TMEM132D: variants seen among roughly 807,000 people sequenced by gnomAD.
TMEM132D encodes the protein mature OL transmembrane protein.
Under a neutral mutation model 62.3 loss-of-function variants are expected in TMEM132D, and 21 were observed. The observed-to-expected ratio is 0.34, with a 90% CI of 0.24 to 0.49. The LOEUF (loss-of-function observed/expected upper bound fraction) is 0.49, where lower values mean the gene tolerates loss of function less well. Ranked by LOEUF, TMEM132D falls within the 20% of genes least tolerant of loss-of-function variation. TMEM132D has a pLI of 0.99. For missense variants in TMEM132D, 1,346 were observed against 1,402.8 expected, an observed-to-expected ratio of 0.96 and a Z score of 0.65; for synonymous variants, 621 against 575.6, an observed-to-expected ratio of 1.08 and a Z score of -1.13.
intron 1 of TMEM132D, among the ~76,000 whole-genome samples, chr12:129,763,831 GAA>G (rs759670668): frequency 1.3e-5 from 2 of 152,130 alleles, no homozygotes; most frequent in African/African-American, 4.8e-5. Flanking sequence ...TGGCATGAAT[GAA>G]AAAGTCAGCC....
intron 3 of TMEM132D, among the ~76,000 whole-genome samples, chr12:129,502,342 C>G (rs2137068217): frequency 6.6e-6 from 1 of 152,282 alleles, no homozygotes; most frequent in East Asian, 1.9e-4. Flanking sequence ...TTGCTACCAT[C>G]AAGGTTGAAT....
At chr12:129,548,734 C>T (rs1194081560) in intron 2 of TMEM132D, among the ~76,000 whole-genome samples, 2 of 152,208 alleles carry the variant, frequency 1.3e-5, no homozygotes, top group African/African-American at 4.8e-5. Context: ...GGAAGTCAAT[C>T]CTACCACCCC....
At chr12:129,551,528 TA>T (rs1290824471) in intron 2 of TMEM132D, among the ~76,000 whole-genome samples, 2 of 152,214 alleles carry the variant, frequency 1.3e-5, no homozygotes, top group Admixed American at 6.5e-5. Flanking sequence ...ACATTTGCTT[TA>T]AAAAAATCCA....
At chr12:129,144,215 A>G (rs36074422) in intron 5 of TMEM132D, among the ~76,000 whole-genome samples, 53,229 of 151,870 alleles carry the variant, frequency 0.35, 10,702 homozygotes, top group Non-Finnish European at 0.45. Context: ...CAAGCAGAAC[A>G]TGGAAAATAT....
chr12:129,287,327 T>C (rs1322569579), intron 4 of TMEM132D, among the ~76,000 whole-genome samples: 1 of 152,048 alleles, frequency 6.6e-6, no homozygotes, highest in Non-Finnish European at 1.5e-5. Context: ...GAATTGAAAA[T>C]GTAAATTAAT....
At chr12:129,784,657 CT>C (rs1306950471) in intron 1 of TMEM132D, among the ~76,000 whole-genome samples, 1 of 152,288 alleles carries the variant, frequency 6.6e-6, no homozygotes, top group Admixed American at 6.5e-5. Flanking sequence ...TATTTGAAGT[CT>C]GTTCGGTTGA....
At chr12:129,104,985 C>T (rs112319565) in intron 5 of TMEM132D, among the ~76,000 whole-genome samples, 25,774 of 145,316 alleles carry the variant, frequency 0.18, 2,653 homozygotes, top group Non-Finnish European at 0.21. Flanking sequence ...GTCAGTGTGG[C>T]GATTCCTCAG....
intron 2 of TMEM132D, among the ~76,000 whole-genome samples, chr12:129,566,555 A>G (rs1183504563): frequency 6.6e-6 from 1 of 152,218 alleles, no homozygotes; most frequent in Non-Finnish European, 1.5e-5. Context: ...TTGTAGCAAT[A>G]AGATATCAAT....
intron 3 of TMEM132D, among the ~76,000 whole-genome samples, chr12:129,455,636 C>G (rs1873440633): frequency 1.3e-5 from 2 of 152,056 alleles, no homozygotes. Context: ...TCTCCAAGGA[C>G]AGAAAGGGAA....
At chr12:129,717,394 T>C (rs1868627674) in intron 1 of TMEM132D, among the ~76,000 whole-genome samples, 1 of 152,120 alleles carries the variant, frequency 6.6e-6, no homozygotes, top group South Asian at 2.1e-4. Flanking sequence ...ATTTCATAAA[T>C]GTTGCTACTT....
At chr12:129,800,599 G>A (rs1262806588) in intron 1 of TMEM132D, among the ~76,000 whole-genome samples, 1 of 152,146 alleles carries the variant, frequency 6.6e-6, no homozygotes, top group Non-Finnish European at 1.5e-5. Context: ...GTAGAGGCTG[G>A]AGGACTCAGT....
chr12:129,540,467 C>T lies in TMEM132D; in HGVS notation c.969-9262G>A, dbSNP rs200853023. ...CTGCCTCTGGGTGTGTTTGTTCATTCACTGATTCATTCAACAAACTTTTTT... is the reference window on the plus strand; with the variant it reads ...CTGCCTCTGGGTGTGTTTGTTCATTTACTGATTCATTCAACAAACTTTTTT... On this transcript the variant is annotated intron_variant, in intron 2 of 8. Transcript: ENST00000422113. Among the ~76,000 whole-genome samples the T allele has an allele frequency of 4.0e-5, 6 of 151,878 alleles. No homozygotes were observed. In the East Asian group the frequency reaches 1.2e-3, roughly 29 times the overall value.
At chr12:129,784,567 T>C (rs1233248714) in intron 1 of TMEM132D, among the ~76,000 whole-genome samples, 2 of 152,250 alleles carry the variant, frequency 1.3e-5, no homozygotes, top group African/African-American at 2.4e-5. Flanking sequence ...TGGCCATATG[T>C]ATAAAGCCTA....
At chr12:129,339,479 C>T (rs769648914) in intron 3 of TMEM132D, among the ~76,000 whole-genome samples, 5 of 145,578 alleles carry the variant, frequency 3.4e-5, no homozygotes, top group East Asian at 2.0e-4. Context: ...TCCTACAAAA[C>T]GCACTCCCTC....
chr12:129,892,477 C>T (rs1170087532), intron 1 of TMEM132D, among the ~76,000 whole-genome samples: 2 of 152,060 alleles, frequency 1.3e-5, no homozygotes, highest in Non-Finnish European at 2.9e-5. Flanking sequence ...ACAGATGGGC[C>T]GAAGGATATT....
chr12:129,572,259 G>C (rs564392998), intron 2 of TMEM132D, among the ~76,000 whole-genome samples: 1 of 152,368 alleles, frequency 6.6e-6, no homozygotes, highest in African/African-American at 2.4e-5. Flanking sequence ...GCTGTGCACA[G>C]TGTCTGGAAT....
intron 2 of TMEM132D, among the ~76,000 whole-genome samples, chr12:129,571,967 C>T (rs979940413): frequency 6.6e-5 from 10 of 152,144 alleles, no homozygotes; most frequent in East Asian, 1.9e-4. Context: ...AGTTGCTACA[C>T]GCACCATGAA....
At chr12:129,874,826 G>A (rs181997010) in intron 1 of TMEM132D, among the ~76,000 whole-genome samples, 126 of 151,220 alleles carry the variant, frequency 8.3e-4, no homozygotes, top group Middle Eastern at 3.4e-3. Context: ...TCAGCCTCCC[G>A]AATAGCTGGG....
intron 3 of TMEM132D, among the ~76,000 whole-genome samples, chr12:129,486,741 A>G (rs1183922234): frequency 6.6e-6 from 1 of 151,950 alleles, no homozygotes; most frequent in African/African-American, 2.4e-5. Context: ...TTGTTTACCA[A>G]TTCTTTCTTG....
Sources: gnomAD v4.1 joint callset for allele counts (sites outside exome capture counted in the v4.1 genomes callset) on GRCh38, gnomAD v4.1.1 for gene constraint, MANE v1.5 for transcripts, NCBI Gene and HGNC (gene_info 2026-07-23, HGNC 2026-07-21) for gene names.